Variants in SMPD1 observed in about 807,000 individuals in gnomAD.
The protein encoded by SMPD1 is sphingomyelin phosphodiesterase 1, also known as sphingomyelin phosphodiesterase.
SMPD1 carries 47 observed loss-of-function variants against 49.7 expected under a neutral mutation model. That is an observed-to-expected ratio of 0.95 (90% CI 0.75 to 1.21). The LOEUF (loss-of-function observed/expected upper bound fraction) is 1.21, where lower values mean the gene tolerates loss of function less well. SMPD1 is among the 50% of genes most tolerant of loss of function. The pLI, the probability that SMPD1 is intolerant of heterozygous loss-of-function variation, is 0.00. For missense variants in SMPD1, 811 were observed against 822.2 expected (o/e 0.99, Z 0.17); for synonymous variants, 336 against 339.6 (o/e 0.99, Z 0.12).
rs749287829 is a variant in SMPD1, at chr11:6,391,374, C to T, written c.319-10C>T. ...CTCTGATTTCTCACCATGCGCTCCT[C>T]CCACTGCAGAAGGAACCCAATGTGG... On this transcript the variant is annotated splice_polypyrimidine_tract_variant and intron_variant, in intron 1 of 5. Coordinates refer to ENST00000342245, the MANE Select transcript of SMPD1 (RefSeq NM_000543.5). 16 of 1,612,032 alleles carry T rather than the reference C, an allele frequency of 9.9e-6. 1 individual carries two copies. Among genetic ancestry groups the T allele is most frequent in the Middle Eastern group, 2.2e-4 (1 of 4,614 alleles).
At position 6,391,570 on chromosome 11, in the gene SMPD1, C is replaced by A. The variant is rs781334934; in HGVS notation, c.505C>A (p.His169Asn). 1.4e-5 allele frequency: 23 copies of A among 1,613,284 alleles called. No homozygotes were observed. Among genetic ancestry groups the A allele is most frequent in the Non-Finnish European group, 1.9e-5 (23 of 1,179,722 alleles). The change falls in exon 2 of 6, where the codon CAC becomes AAC. Residue 169 changes from histidine to asparagine, a missense_variant. By Grantham distance (68) the His-to-Asn change is moderately conservative (BLOSUM62 1). Coordinates refer to ENST00000342245, the MANE Select transcript of SMPD1 (RefSeq NM_000543.5). ...CCTGCTCCTGGGCTCCACCTGTGGG[C>A]ACTGGGACATTTTCTCATCTTGGAA... ...CGLLLGSTCG[H>N]WDIFSSWNIS...
rs2134010245 is a variant in SMPD1, at chr11:6,391,638, T to TAGCCCCCC, written c.580_587dup (p.Gly197GlnfsTer63). On this transcript the variant is annotated frameshift_variant, in exon 2 of 6. Coordinates refer to ENST00000342245, the MANE Select transcript of SMPD1 (RefSeq NM_000543.5). LOFTEE classifies it high-confidence loss of function. The stretch of plus-strand genomic sequence containing the variant: ...TGCCGAAGCCGCCCCCCAAACCCCC[T>TAGCCCCCC]AGCCCCCCAGCCCCAGGTGCCCCTG... 5.8e-6 allele frequency: 2 copies of TAGCCCCCC among 342,976 alleles called. No individual in the cohort carries two copies. Among genetic ancestry groups the TAGCCCCCC allele is most frequent in the Non-Finnish European group, 8.9e-6 (2 of 225,912 alleles). 21.2% of individuals were successfully genotyped at this position (342,976 alleles called of 1,614,324 possible). A position where few individuals can be genotyped will look rare whatever the true frequency, so the allele number is the denominator to read the frequency against.
rs1848112475 is a variant in SMPD1, at chr11:6,394,714, C to A, written c.*107C>A. On this transcript the variant is annotated 3_prime_UTR_variant, in exon 6 of 6. Transcript: ENST00000342245. ...AAGATCATCCGGTGAAAGAACCAGT[C>A]CCTGGGCCCCAAGGATGCCGGGGAA... 6 of 944,310 alleles carry A rather than the reference C, an allele frequency of 6.4e-6. No homozygotes were observed. The highest frequency in any genetic ancestry group is 9.8e-6 in the Non-Finnish European group (6 of 612,668). The allele number at this position is 944,310 out of a possible 1,614,324, so 58.5% of individuals were successfully genotyped here. A position where few individuals can be genotyped will look rare whatever the true frequency, so the allele number is the denominator to read the frequency against.
In SMPD1 at chr11:6,390,512, G is replaced by A. The variant is rs1277140462; in HGVS notation, c.-87G>A. 33 of 1,552,208 alleles carry A rather than the reference G, an allele frequency of 2.1e-5. No individual in the cohort carries two copies. The highest frequency in any genetic ancestry group is 2.4e-5 in the East Asian group (1 of 42,040). ...CAGAGAAGGGTAATCGGGTGTCCCCGGCGCCGCCCGGGGCCCTGAGGGCTG... is the reference window on the plus strand; with the variant it reads ...CAGAGAAGGGTAATCGGGTGTCCCCAGCGCCGCCCGGGGCCCTGAGGGCTG... On this transcript the variant is annotated 5_prime_UTR_variant, in exon 1 of 6. Coordinates refer to ENST00000342245, the MANE Select transcript of SMPD1 (RefSeq NM_000543.5).
Position 6,391,888 on chromosome 11 carries a change from G to T in SMPD1, c.823G>T (p.Val275Leu), listed in dbSNP as rs1172255199. 6.2e-7 allele frequency: 1 copy of T among 1,614,158 alleles called. No individual in the cohort carries two copies. Among genetic ancestry groups the T allele is most frequent in the South Asian group, 1.1e-5 (1 of 91,084 alleles). ...GGGCCCAGCCGGCCCTTTTGATATG[G>T]TGTACTGGACAGGAGACATCCCCGC... ...GLGPAGPFDMVYWTGDIPAHD... is the reference protein window; with the variant it reads ...GLGPAGPFDMLYWTGDIPAHD... Residue 275 changes from valine (V) to leucine (L), a missense_variant, in exon 2 of 6, where the codon GTG (valine) becomes TTG (leucine). Coordinates refer to ENST00000342245, the MANE Select transcript of SMPD1 (RefSeq NM_000543.5).
In SMPD1 at chr11:6,393,993, G is replaced by GT; in HGVS notation, c.1439dup (p.Ala481SerfsTer14). The GT allele has an allele frequency of 6.2e-7, 1 of 1,614,232 alleles. No homozygotes were observed. Among genetic ancestry groups the GT allele is most frequent in the African/African-American group, 1.3e-5 (1 of 75,050 alleles). On this transcript the variant is annotated frameshift_variant, in exon 5 of 6. Coordinates refer to ENST00000342245, the MANE Select transcript of SMPD1 (RefSeq NM_000543.5). LOFTEE classifies it high-confidence loss of function. ...AGAGACTCTGAGCCGGCCGCTGGCT[G>GT]TAGCCTTCCTGGCACCCAGTGCAAC... is the stretch of plus-strand genomic sequence containing the variant.
In SMPD1 at chr11:6,391,910, C is replaced by T; in HGVS notation, c.845C>T (p.Pro282Leu). 6.2e-7 allele frequency: 1 copy of T among 1,614,226 alleles called. No homozygotes were observed. ...FDMVYWTGDI[P>L]AHDVWHQTRQ... is the part of the protein sequence containing the mutation. ...ATGGTGTACTGGACAGGAGACATCC[C>T]CGCACATGATGTCTGGCACCAGACT... The change falls in exon 2 of 6, where the codon CCC becomes CTC. Residue 282 changes from proline to leucine, a missense_variant. Pro to Leu is a moderately conservative substitution (Grantham distance 98). Transcript: ENST00000342245.
chr11:6,392,419 CA>C, intron 2 of SMPD1, among the ~76,000 whole-genome samples: 1 of 145,648 alleles, frequency 6.9e-6, no homozygotes, highest in African/African-American at 2.5e-5. Context: ...TAACCTCAAG[CA>C]ATCCTCCCGC....
Position 6,393,275 on chromosome 11 carries a change from TGAA to T in SMPD1, c.1152_1154del (p.Met384_Asn385delinsIle), listed in dbSNP as rs1194457370. On this transcript the variant is annotated inframe_deletion, in exon 3 of 6. Coordinates refer to ENST00000342245, the MANE Select transcript of SMPD1 (RefSeq NM_000543.5). Reference sequence around the variant, plus strand: ...GGTCTCCGCCTCATCTCTCTCAATATGAATTTTTGTTCCCGTGAGAACTTCTGG... The same window carrying T: ...GGTCTCCGCCTCATCTCTCTCAATATTTTTTGTTCCCGTGAGAACTTCTGG... The T allele has an allele frequency of 6.2e-7, 1 of 1,613,978 alleles. No homozygotes were observed. Among genetic ancestry groups the T allele is most frequent in the Non-Finnish European group, 8.5e-7 (1 of 1,179,872 alleles).
intron 2 of SMPD1, among the ~76,000 whole-genome samples, chr11:6,392,485 C>CTTT (rs1484033993): frequency 4.9e-5 from 5 of 102,532 alleles, no homozygotes; most frequent in Non-Finnish European, 7.8e-5. Flanking sequence ...CCTGGCCCTC[C>CTTT]CTTTTTTTTT....
rs1378142751 is a variant in SMPD1, at chr11:6,391,788, A to G, written c.723A>G (p.Pro241=). 1 of 1,612,466 alleles carries G rather than the reference A, an allele frequency of 6.2e-7. No individual in the cohort carries two copies. The part of the protein sequence containing the change: ...RGSGLPPASR[P]GAGYWGEYSK... ...CTGGCCTGCCGCCCGCATCCCGGCC[A>G]GGTGCCGGATACTGGGGCGAATACA... is the stretch of plus-strand genomic sequence containing the variant. The change falls in exon 2 of 6, where the codon CCA becomes CCG. Residue 241 remains proline, a synonymous_variant. Coordinates refer to ENST00000342245, the MANE Select transcript of SMPD1 (RefSeq NM_000543.5).
intron 2 of SMPD1, 172 bp downstream of exon 2, chr11:6,392,328 G>A: frequency 1.8e-6 from 1 of 548,472 alleles, no homozygotes; most frequent in East Asian, 3.2e-5. Flanking sequence ...GCCGCACCAG[G>A]CTTTTTTTTT....
In SMPD1 at chr11:6,394,233, G is replaced by T. The variant is rs1050239; in HGVS notation, c.1522G>T (p.Gly508Trp). 1 of 1,613,778 alleles carries T rather than the reference G, an allele frequency of 6.2e-7. No individual in the cohort carries two copies. The highest frequency in any genetic ancestry group is 8.5e-7 in the Non-Finnish European group (1 of 1,179,920). ...GTACCAAATAGATGGAAACTACTCC[G>T]GGAGCTCTCACGTGGTCCTGGACCA... Reference protein sequence around the residue: ...RVYQIDGNYSGSSHVVLDHET... With the variant: ...RVYQIDGNYSWSSHVVLDHET... The change falls in exon 6 of 6, where the codon GGG becomes TGG. Residue 508 changes from glycine (G) to tryptophan (W), a missense_variant. Transcript: ENST00000342245.
At position 6,393,972 on chromosome 11, in the gene SMPD1, A is replaced by T; in HGVS notation, c.1417A>T (p.Thr473Ser). ...ATTTGAGGTCTTCTATGATGAAGAG[A>T]CTCTGAGCCGGCCGCTGGCTGTAGC... ...DEFEVFYDEE[T>S]LSRPLAVAFL... Residue 473 changes from threonine (T) to serine (S), a missense_variant, in exon 5 of 6, where the codon ACT becomes TCT. Physicochemically the swap from Thr to Ser is moderately conservative, Grantham distance 58. Coordinates refer to ENST00000342245, the MANE Select transcript of SMPD1 (RefSeq NM_000543.5). 6.2e-7 allele frequency: 1 copy of T among 1,614,032 alleles called. No individual in the cohort carries two copies. Among genetic ancestry groups the T allele is most frequent in the East Asian group, 2.2e-5 (1 of 44,884 alleles).
intron 3 of SMPD1, 77 bp from the exon 4 acceptor site, chr11:6,393,540 T>G: frequency 7.2e-7 from 1 of 1,397,774 alleles, no homozygotes; most frequent in Non-Finnish European, 1.0e-6. Flanking sequence ...AAAGCCTTCA[T>G]TCAGTCCCCC....
chr11:6,392,862 A>G (rs367568920), intron 2 of SMPD1, among the ~76,000 whole-genome samples: 1 of 151,600 alleles, frequency 6.6e-6, no homozygotes, highest in East Asian at 1.9e-4. Context: ...TAACCTCTCT[A>G]TGCCCCAGCT....
At position 6,392,777 on chromosome 11, in the gene SMPD1, A is replaced by G. The variant is rs760025956; in HGVS notation, c.1092-439A>G. Among the ~76,000 whole-genome samples, 7 of 151,796 alleles carry G rather than the reference A, an allele frequency of 4.6e-5. No homozygotes were observed. In the South Asian group the frequency reaches 6.3e-4, roughly 14 times the overall value. ...CAAAGTGCTGGGATTACAGGCATGA[A>G]CCACTGCACCCAGCTTTCCAGCCCT... is the stretch of plus-strand genomic sequence containing the variant. On this transcript the variant is annotated intron_variant, in intron 2 of 5. Coordinates refer to ENST00000342245, the MANE Select transcript of SMPD1 (RefSeq NM_000543.5).
rs1397949984 is a variant in SMPD1, at chr11:6,394,544, C to G, written c.1833C>G (p.His611Gln). Reference protein sequence around the residue: ...ARADSPALCRHLMPDGSLPEA... With the variant: ...ARADSPALCRQLMPDGSLPEA... Reference sequence around the variant, plus strand: ...CTGACAGCCCTGCTCTGTGCCGCCACCTGATGCCAGATGGGAGCCTCCCAG... The same window carrying G: ...CTGACAGCCCTGCTCTGTGCCGCCAGCTGATGCCAGATGGGAGCCTCCCAG... The change falls in exon 6 of 6, where the codon CAC becomes CAG. Residue 611 changes from histidine (H) to glutamine (Q), a missense_variant. Transcript: ENST00000342245. 1.2e-6 allele frequency: 2 copies of G among 1,609,002 alleles called. No homozygotes were observed. Among genetic ancestry groups the G allele is most frequent in the East Asian group, 4.5e-5 (2 of 44,882 alleles).
In SMPD1 at chr11:6,391,779, A is replaced by G. The variant is rs2682091; in HGVS notation, c.714A>G (p.Ala238=). The G allele has an allele frequency of 6.3e-3, 10,201 of 1,612,342 alleles. 589 individuals carry two copies. The African/African-American group carries it at 0.12, about 19-fold the overall frequency. The change falls in exon 2 of 6, where the codon GCA becomes GCG. Residue 238 remains alanine, a synonymous_variant. Transcript: ENST00000342245. ...GCCGGGGTTCTGGCCTGCCGCCCGC[A>G]TCCCGGCCAGGTGCCGGATACTGGG... ...CCRRGSGLPP[A]SRPGAGYWGE...
Sources: gnomAD v4.1 joint callset for allele counts (sites outside exome capture counted in the v4.1 genomes callset) on GRCh38, gnomAD v4.1.1 for gene constraint, MANE v1.5 for transcripts, NCBI Gene and HGNC (gene_info 2026-07-23, HGNC 2026-07-21) for gene names.